The following HDAC9 variants were observed in gnomAD, a reference collection of about 807,000 sequenced individuals.
HDAC9 encodes MEF-2 interacting transcription repressor (MITR) protein.
In HDAC9, 41 loss-of-function variants were observed where a neutral mutation model predicts 139.4. That is an observed-to-expected ratio of 0.29 (90% CI 0.23 to 0.38). The LOEUF (loss-of-function observed/expected upper bound fraction) is 0.38. Among genes scored for constraint, HDAC9 ranks in the 10% least tolerant of loss-of-function variants. HDAC9 has a pLI of 1.00. For synonymous variants in HDAC9, 517 were observed against 476.2 expected, an observed-to-expected ratio of 1.09 and a Z score of -1.12; for missense variants, 1,147 against 1,297.0, an observed-to-expected ratio of 0.88 and a Z score of 1.78.
chr7:18,762,335 A>C (rs1345928751), intron 15 of HDAC9, 58 bp downstream of exon 15: 1 of 1,584,062 alleles, frequency 6.3e-7, no homozygotes, highest in African/African-American at 1.3e-5. Context: ...TCATTAGTCA[A>C]CGCTGGTGTC....
intron 13 of HDAC9, among the ~76,000 whole-genome samples, chr7:18,743,744 T>C (rs1562905195): frequency 6.6e-6 from 1 of 151,176 alleles, no homozygotes; most frequent in African/African-American, 2.4e-5. Context: ...ATTAAAAAAA[T>C]AAGACACCGT....
At chr7:18,251,272 C>T (rs1794900558) in intron 2 of HDAC9, among the ~76,000 whole-genome samples, 1 of 152,056 alleles carries the variant, frequency 6.6e-6, no homozygotes, top group African/African-American at 2.4e-5. Context: ...AATTAAACAC[C>T]GCATGTTCTC....
At chr7:18,105,970 A>C (rs1244207142) in intron 1 of HDAC9, among the ~76,000 whole-genome samples, 1 of 152,198 alleles carries the variant, frequency 6.6e-6, no homozygotes, top group Non-Finnish European at 1.5e-5. Flanking sequence ...GAAAGAAGCC[A>C]GACTTACAAG....
intron 1 of HDAC9, among the ~76,000 whole-genome samples, chr7:18,476,865 A>T (rs1469630285): frequency 6.6e-6 from 1 of 152,220 alleles, no homozygotes; most frequent in East Asian, 1.9e-4. Context: ...GCCTGCAGTT[A>T]GCTAAACCCT....
chr7:18,557,137 C>T (rs1819047404), intron 2 of HDAC9, among the ~76,000 whole-genome samples: 2 of 151,978 alleles, frequency 1.3e-5, no homozygotes, highest in South Asian at 2.1e-4. Flanking sequence ...CTCAGATTCC[C>T]AGCTACTGCA....
intron 24 of HDAC9, among the ~76,000 whole-genome samples, chr7:18,958,023 C>G (rs752511701): frequency 3.3e-5 from 5 of 152,130 alleles, no homozygotes; most frequent in Non-Finnish European, 7.4e-5. Context: ...AGAACTGAGT[C>G]CCCCAGCTGA....
intron 17 of HDAC9, among the ~76,000 whole-genome samples, chr7:18,800,061 A>G (rs1225545918): frequency 2.0e-5 from 3 of 152,130 alleles, no homozygotes; most frequent in East Asian, 1.9e-4. Context: ...AAAATCAACA[A>G]CTTAGGTCTC....
chr7:18,218,497 T>G (rs1309047444), intron 2 of HDAC9, among the ~76,000 whole-genome samples: 1 of 152,136 alleles, frequency 6.6e-6, no homozygotes, highest in Admixed American at 6.6e-5. Context: ...CTGTTCCTTC[T>G]ACTGTATTCC....
intron 21 of HDAC9, among the ~76,000 whole-genome samples, chr7:18,852,476 C>A (rs1291388957): frequency 1.3e-5 from 2 of 152,172 alleles, no homozygotes. Context: ...ATTACAGAAA[C>A]TCTCTTTCAA....
At chr7:18,542,130 G>T (rs1316029747) in intron 2 of HDAC9, among the ~76,000 whole-genome samples, 1 of 152,076 alleles carries the variant, frequency 6.6e-6, no homozygotes, top group Non-Finnish European at 1.5e-5. Flanking sequence ...TAAGACCCCG[G>T]GGCAATAAAA....
chr7:18,436,186 G>A (rs898891276), intron 1 of HDAC9, among the ~76,000 whole-genome samples: 2 of 152,006 alleles, frequency 1.3e-5, no homozygotes, highest in Non-Finnish European at 2.9e-5. Context: ...CAACATACAT[G>A]AAGTAGTTTT....
chr7:18,381,227 G>GA (rs1325721931), intron 1 of HDAC9, among the ~76,000 whole-genome samples: 1 of 132,116 alleles, frequency 7.6e-6, no homozygotes. Context: ...AAAAGGAAAA[G>GA]AAAAAAAAGA....
intron 2 of HDAC9, among the ~76,000 whole-genome samples, chr7:18,531,874 T>C (rs1413100016): frequency 2.6e-5 from 4 of 152,146 alleles, no homozygotes; most frequent in Admixed American, 6.5e-5. Flanking sequence ...AATGAACTCT[T>C]TTATGTTTTG....
intron 2 of HDAC9, among the ~76,000 whole-genome samples, chr7:18,518,574 G>A (rs1375746782): frequency 6.6e-6 from 1 of 152,100 alleles, no homozygotes; most frequent in Non-Finnish European, 1.5e-5. Flanking sequence ...GACTTACCTA[G>A]AGCCACAGCA....
intron 1 of HDAC9, among the ~76,000 whole-genome samples, chr7:18,314,993 G>A (rs1023628033): frequency 3.9e-5 from 6 of 152,120 alleles, no homozygotes; most frequent in African/African-American, 1.2e-4. Flanking sequence ...TCGCAGCAAC[G>A]TGGTTGAAAA....
chr7:18,197,956 TGAG>T (rs1436705586), intron 2 of HDAC9, among the ~76,000 whole-genome samples: 1 of 152,144 alleles, frequency 6.6e-6, no homozygotes, highest in African/African-American at 2.4e-5. Flanking sequence ...TTTCAAAAAA[TGAG>T]GAGATTGGAT....
intron 1 of HDAC9, among the ~76,000 whole-genome samples, chr7:18,314,377 A>C (rs1259646203): frequency 6.6e-6 from 1 of 152,192 alleles, no homozygotes. Context: ...CAAGACAGAA[A>C]AACAGGAAAA....
intron 22 of HDAC9, among the ~76,000 whole-genome samples, chr7:18,926,738 C>T (rs1049926752): frequency 6.6e-6 from 1 of 152,076 alleles, no homozygotes; most frequent in African/African-American, 2.4e-5. Flanking sequence ...TTTTGTCTTA[C>T]AAAAAATAAT....
At chr7:18,399,806 G>T (rs1787373673) in intron 1 of HDAC9, among the ~76,000 whole-genome samples, 1 of 152,206 alleles carries the variant, frequency 6.6e-6, no homozygotes, top group Non-Finnish European at 1.5e-5. Context: ...CAGGAAAGAA[G>T]CTGGAGCAGG....
Sources: gnomAD v4.1 joint callset for allele counts (sites outside exome capture counted in the v4.1 genomes callset) on GRCh38, gnomAD v4.1.1 for gene constraint, MANE v1.5 for transcripts, NCBI Gene and HGNC (gene_info 2026-07-23, HGNC 2026-07-21) for gene names.